CWH43: variants seen among roughly 807,000 people sequenced by gnomAD.
CWH43 encodes cell wall biogenesis 43 C-terminal homolog.
Under a neutral mutation model 85.7 loss-of-function variants are expected in CWH43, and 91 were observed. The ratio of observed to expected loss-of-function variants is 1.06; its 90% confidence interval spans 0.90 to 1.26. CWH43 has a LOEUF of 1.26. Ranked by LOEUF, CWH43 falls within the 50% of genes most tolerant of loss-of-function variation. The probability of loss-of-function intolerance (pLI) is 0.00; values close to 1 mark genes in which losing one functional copy is unlikely to be tolerated. For synonymous variants in CWH43, 323 were observed against 293.6 expected (o/e 1.10, Z -1.02); for missense variants, 869 against 839.2 (o/e 1.04, Z -0.44).
chr4:48,991,954 A>C lies in CWH43; in HGVS notation c.375A>C (p.Gly125=). Residue 125 remains glycine (G), a synonymous_variant, in exon 4 of 16, where the codon GGA becomes GGC. Coordinates refer to ENST00000226432, the MANE Select transcript of CWH43 (RefSeq NM_025087.3). ...SHLQRYLRIW[G]FILGQIVLVV... ...CTTACAGGTACCTCAGAATTTGGGG[A>C]TTCATTTTAGGACAGATTGTTCTTG... 1 of 1,612,618 alleles carries C rather than the reference A, an allele frequency of 6.2e-7. No individual in the cohort carries two copies. Among genetic ancestry groups the C allele is most frequent in the African/African-American group, 1.3e-5 (1 of 75,014 alleles).
At chr4:49,010,737 A>C (rs1202355669) in intron 8 of CWH43, among the ~76,000 whole-genome samples, 1 of 152,152 alleles carries the variant, frequency 6.6e-6, no homozygotes, top group African/African-American at 2.4e-5. Context: ...TTATTTACCC[A>C]GTAGTCATTC....
intron 10 of CWH43, among the ~76,000 whole-genome samples, chr4:49,029,538 G>T (rs535892414): frequency 1.6e-3 from 237 of 152,328 alleles, no homozygotes; most frequent in African/African-American, 5.6e-3. Context: ...TCTGTGCTGA[G>T]GAGGATTAGT....
chr4:49,055,756 ATT>A (rs1784932887), intron 15 of CWH43, among the ~76,000 whole-genome samples: 1 of 151,720 alleles, frequency 6.6e-6, no homozygotes, highest in African/African-American at 2.4e-5. Context: ...CACCCAGCTA[ATT>A]TTTGTACTTT....
intron 14 of CWH43, among the ~76,000 whole-genome samples, chr4:49,049,668 A>G (rs1488119319): frequency 1.3e-5 from 2 of 152,120 alleles, no homozygotes; most frequent in Non-Finnish European, 2.9e-5. Context: ...CACCAAGCAT[A>G]TTTCCACCTC....
intron 12 of CWH43, among the ~76,000 whole-genome samples, chr4:49,037,023 A>G (rs1270349783): frequency 6.6e-6 from 1 of 152,102 alleles, no homozygotes; most frequent in Non-Finnish European, 1.5e-5. Flanking sequence ...TGATTGCCTC[A>G]TTGACTCCTA....
intron 8 of CWH43, among the ~76,000 whole-genome samples, chr4:49,013,235 G>A (rs1783424853): frequency 6.6e-6 from 1 of 152,258 alleles, no homozygotes; most frequent in Non-Finnish European, 1.5e-5. Context: ...GCGCCTTGGA[G>A]GTTGATCTCA....
intron 13 of CWH43, among the ~76,000 whole-genome samples, chr4:49,040,374 T>C (rs1247282855): frequency 1.3e-5 from 2 of 152,156 alleles, no homozygotes; most frequent in African/African-American, 4.8e-5. Flanking sequence ...AGTGTAAAAG[T>C]GTTCCTATTT....
At chr4:49,001,868 G>T (rs1783002933) in intron 6 of CWH43, among the ~76,000 whole-genome samples, 1 of 152,094 alleles carries the variant, frequency 6.6e-6, no homozygotes, top group Non-Finnish European at 1.5e-5. Flanking sequence ...GTCATTGTAA[G>T]CCGTAAGTAA....
intron 2 of CWH43, among the ~76,000 whole-genome samples, chr4:48,989,244 G>A (rs1022903306): frequency 2.6e-5 from 4 of 152,152 alleles, no homozygotes; most frequent in Non-Finnish European, 5.9e-5. Flanking sequence ...GGAATCAAAT[G>A]TATAGGTCAT....
At chr4:49,034,646 T>C (rs940215339) in intron 12 of CWH43, among the ~76,000 whole-genome samples, 1 of 152,136 alleles carries the variant, frequency 6.6e-6, no homozygotes, top group South Asian at 2.1e-4. Flanking sequence ...ACTCCAGGAA[T>C]GAAGGCAGTG....
intron 9 of CWH43, among the ~76,000 whole-genome samples, chr4:49,022,585 C>T (rs1394768241): frequency 6.6e-6 from 1 of 152,152 alleles, no homozygotes; most frequent in Admixed American, 6.6e-5. Flanking sequence ...AAAGGATCCC[C>T]TCTTTCTCTA....
In CWH43 at chr4:49,030,880, C is replaced by A. The variant is rs1349510485; in HGVS notation, c.1428C>A (p.Asn476Lys). 9.3e-6 allele frequency: 15 copies of A among 1,609,756 alleles called. No individual in the cohort carries two copies. The highest frequency in any genetic ancestry group is 1.3e-5 in the Non-Finnish European group (15 of 1,178,466). Residue 476 changes from asparagine to lysine, a missense_variant, in exon 11 of 16, where the codon AAC becomes AAA. Physicochemically the swap from Asn to Lys is moderately conservative, Grantham distance 94. Coordinates refer to ENST00000226432, the MANE Select transcript of CWH43 (RefSeq NM_025087.3). ...ATGCTTCTAAGCCCTATATGGGGAA[C>A]AATGACTTAACCATGTGGCTAGGGG... ...ESDASKPYMGNNDLTMWLGEK... is the reference protein window; with the variant it reads ...ESDASKPYMGKNDLTMWLGEK...
At chr4:49,051,757 A>G (rs1784805766) in intron 15 of CWH43, among the ~76,000 whole-genome samples, 2 of 152,092 alleles carry the variant, frequency 1.3e-5, no homozygotes, top group Non-Finnish European at 1.5e-5. Context: ...TTGTATTTTT[A>G]GTAAAGACAG....
chr4:48,988,336 T>TAAA, intron 1 of CWH43, 141 bp from the exon 2 acceptor site: 1 of 473,430 alleles, frequency 2.1e-6, no homozygotes. Context: ...TCCATGTCAG[T>TAAA]GGAGACAACT....
At chr4:49,020,697 C>A (rs1783725206) in intron 9 of CWH43, among the ~76,000 whole-genome samples, 1 of 152,174 alleles carries the variant, frequency 6.6e-6, no homozygotes, top group Non-Finnish European at 1.5e-5. Flanking sequence ...TGTTCCTTTT[C>A]ACTACATCCA....
At chr4:49,035,543 G>A (rs543333588) in intron 12 of CWH43, among the ~76,000 whole-genome samples, 1 of 152,182 alleles carries the variant, frequency 6.6e-6, no homozygotes, top group South Asian at 2.1e-4. Flanking sequence ...TGGTTCCGTG[G>A]CGGTTAACCT....
intron 14 of CWH43, among the ~76,000 whole-genome samples, chr4:49,048,857 G>A (rs1196967603): frequency 1.3e-5 from 2 of 152,264 alleles, no homozygotes; most frequent in East Asian, 3.9e-4. Context: ...CCACATTAAT[G>A]AAGTTAGGAA....
chr4:49,013,482 C>T (rs947563612), intron 8 of CWH43, among the ~76,000 whole-genome samples: 2 of 152,226 alleles, frequency 1.3e-5, no homozygotes, highest in African/African-American at 4.8e-5. Flanking sequence ...CTTCAGATCA[C>T]CCTCCATGGG....
At chr4:49,053,790 T>A (rs1784870667) in intron 15 of CWH43, among the ~76,000 whole-genome samples, 1 of 152,008 alleles carries the variant, frequency 6.6e-6, no homozygotes. Context: ...TCTAAGGAAA[T>A]GCTTGGGGCA....
Sources: allele counts gnomAD v4.1 joint callset (sites outside exome capture counted in the v4.1 genomes callset), GRCh38; gene constraint gnomAD v4.1.1; transcripts MANE v1.5; gene names NCBI Gene and HGNC (gene_info 2026-07-23, HGNC 2026-07-21).